Variants in THSD7A observed in about 807,000 individuals in gnomAD.
THSD7A encodes thrombospondin type 1 domain containing 7A.
THSD7A carries 96 observed loss-of-function variants against 231.3 expected under a neutral mutation model. That is an observed-to-expected ratio of 0.41 (90% CI 0.35 to 0.49). THSD7A has a LOEUF of 0.49. Ranked by LOEUF, THSD7A falls within the 20% of genes least tolerant of loss-of-function variation. The pLI, the probability that THSD7A is intolerant of heterozygous loss-of-function variation, is 0.05. For missense variants in THSD7A, 2,290 were observed against 2,070.2 expected, an observed-to-expected ratio of 1.11 and a Z score of -2.06; for synonymous variants, 940 against 743.3, an observed-to-expected ratio of 1.26 and a Z score of -4.30.
In THSD7A at chr7:11,820,268, T is replaced by C. The variant is rs538760635; in HGVS notation, c.190+11489A>G. 4.1e-4 allele frequency: 180 copies of C among 441,964 alleles called. No homozygotes were observed. The East Asian group carries it at 6.7e-3, about 16-fold the overall frequency. The allele number at this position is 441,964 out of a possible 1,614,324, so 27.4% of individuals were successfully genotyped here. A position where few individuals can be genotyped will look rare whatever the true frequency, so the allele number is the denominator to read the frequency against. Reference sequence around the variant, plus strand: ...TCTGTTTAGCTCCTCGCCAGCCATCTTTCCAGCACCTCTCTCCCCTGGGCA... The same window carrying C: ...TCTGTTTAGCTCCTCGCCAGCCATCCTTCCAGCACCTCTCTCCCCTGGGCA... On this transcript the variant is annotated intron_variant, in intron 1 of 27. Coordinates refer to ENST00000423059, the MANE Select transcript of THSD7A (RefSeq NM_015204.3).
intron 22 of THSD7A, among the ~76,000 whole-genome samples, chr7:11,403,749 A>G (rs1783489559): frequency 6.6e-6 from 1 of 152,188 alleles, no homozygotes; most frequent in East Asian, 1.9e-4. Context: ...TAAGTAATAC[A>G]TGTCAGGCTT....
At chr7:11,494,002 A>G (rs1787000985) in intron 6 of THSD7A, among the ~76,000 whole-genome samples, 1 of 152,056 alleles carries the variant, frequency 6.6e-6, no homozygotes, top group South Asian at 2.1e-4. Flanking sequence ...ACACCTTAGT[A>G]TAATTTTACC....
intron 2 of THSD7A, among the ~76,000 whole-genome samples, chr7:11,610,940 G>A (rs1203781638): frequency 1.3e-5 from 2 of 152,058 alleles, no homozygotes; most frequent in Non-Finnish European, 2.9e-5. Context: ...CTCTTTTGTT[G>A]AATTTACAAG....
chr7:11,588,053 T>A (rs1272137523), intron 4 of THSD7A, among the ~76,000 whole-genome samples: 2 of 152,184 alleles, frequency 1.3e-5, no homozygotes, highest in Admixed American at 6.5e-5. Context: ...GGTTACACAG[T>A]CATGGATTCT....
chr7:11,460,720 G>A lies in THSD7A; in HGVS notation c.2547C>T (p.Ser849=), dbSNP rs572493535. 17 of 1,612,420 alleles carry A rather than the reference G, an allele frequency of 1.1e-5. No individual in the cohort carries two copies. Among genetic ancestry groups the A allele is most frequent in the Non-Finnish European group, 1.4e-5 (17 of 1,179,358 alleles). ...GTGCTCCAGGGCTGTCTTGTTGCAC[G>A]CTCCAAGGGACTAATTGGCATCTGC... ...KWRRCQLVPW[S]VQQDSPGAQE... The change falls in exon 11 of 28, where the codon AGC becomes AGT. Residue 849 remains serine (S), a synonymous_variant. Coordinates refer to ENST00000423059, the MANE Select transcript of THSD7A (RefSeq NM_015204.3).
At chr7:11,419,928 G>C (rs1784088874) in intron 16 of THSD7A, among the ~76,000 whole-genome samples, 1 of 152,208 alleles carries the variant, frequency 6.6e-6, no homozygotes, top group Non-Finnish European at 1.5e-5. Flanking sequence ...ACTTGAGAGA[G>C]ATGACTTAGG....
rs995082865 is a variant in THSD7A at position 11,590,779 on chromosome 7, T to G, written c.1272-138A>C. 9.8e-7 allele frequency: 1 copy of G among 1,023,394 alleles called. No individual in the cohort carries two copies. The highest frequency in any genetic ancestry group is 3.2e-5 in the Admixed American group (1 of 31,584). 63.4% of individuals were successfully genotyped at this position (1,023,394 alleles called of 1,614,324 possible). A position where few individuals can be genotyped will look rare whatever the true frequency, so the allele number is the denominator to read the frequency against. ...AATCCATCGTAGACTACATCTATGG[T>G]GCATATTTGGTTTCAACTCCTTTAT... is the stretch of plus-strand genomic sequence containing the variant. On this transcript the variant is annotated intron_variant, in intron 3 of 27. Coordinates refer to ENST00000423059, the MANE Select transcript of THSD7A (RefSeq NM_015204.3). The surrounding 1 kb of genome is among the most constrained non-coding windows in gnomAD (Gnocchi z 4.4).
chr7:11,375,645 C>T lies in THSD7A; in HGVS notation c.*149G>A. The stretch of plus-strand genomic sequence containing the variant: ...GTACTGTCTTAAATATCTCCAGTGG[C>T]AGTATGATTTTCACTCTTGTCTTTA... On this transcript the variant is annotated 3_prime_UTR_variant, in exon 28 of 28. Transcript: ENST00000423059. 1.6e-6 allele frequency: 1 copy of T among 619,704 alleles called. No individual in the cohort carries two copies. The highest frequency in any genetic ancestry group is 2.8e-6 in the Non-Finnish European group (1 of 352,702). 38.4% of individuals were successfully genotyped at this position (619,704 alleles called of 1,614,324 possible).
chr7:11,564,068 G>A (rs1371288687), intron 4 of THSD7A, among the ~76,000 whole-genome samples: 1 of 152,106 alleles, frequency 6.6e-6, no homozygotes, highest in Non-Finnish European at 1.5e-5. Flanking sequence ...AGTTAGAGAA[G>A]GTCTAGGCTT....
chr7:11,608,032 A>C (rs1434757994), intron 2 of THSD7A, among the ~76,000 whole-genome samples: 1 of 152,144 alleles, frequency 6.6e-6, no homozygotes, highest in East Asian at 1.9e-4. Context: ...ATCCTTTCAC[A>C]CAGTGAATGC....
intron 11 of THSD7A, 115 bp downstream of exon 11, chr7:11,460,547 G>C (rs1785467474): frequency 1.4e-6 from 1 of 715,458 alleles, no homozygotes; most frequent in Non-Finnish European, 2.2e-6. Context: ...GCTCATAGCA[G>C]ATTTATATCT....
chr7:11,392,064 C>T (rs1015204059), intron 23 of THSD7A, among the ~76,000 whole-genome samples: 5 of 152,072 alleles, frequency 3.3e-5, no homozygotes, highest in South Asian at 4.2e-4. Context: ...AGAATCTCAA[C>T]TTCTTTTTTT....
chr7:11,595,110 C>G (rs995612880), intron 2 of THSD7A, among the ~76,000 whole-genome samples: 1 of 152,164 alleles, frequency 6.6e-6, no homozygotes, highest in African/African-American at 2.4e-5. Flanking sequence ...CCTGAGGCAA[C>G]AGTGATGGCC....
rs1379099844 is a variant in THSD7A at position 11,814,667 on chromosome 7, A to C, written c.190+17090T>G. On this transcript the variant is annotated intron_variant, in intron 1 of 27. Transcript: ENST00000423059. The surrounding 1 kb of genome is among the most constrained non-coding windows in gnomAD (Gnocchi z 5.1). Reference sequence around the variant, plus strand: ...ACCAGTTCTCTTATACAATGAGCCAAGAGAACTAAAGAAATTACATTAAAT... The same window carrying C: ...ACCAGTTCTCTTATACAATGAGCCACGAGAACTAAAGAAATTACATTAAAT... Among the ~76,000 whole-genome samples the C allele has an allele frequency of 1.3e-5, 2 of 152,204 alleles. No homozygotes were observed. The highest frequency in any genetic ancestry group is 4.8e-5 in the African/African-American group (2 of 41,464).
intron 4 of THSD7A, among the ~76,000 whole-genome samples, chr7:11,565,398 C>G (rs960238261): frequency 6.6e-6 from 1 of 152,158 alleles, no homozygotes. Flanking sequence ...CGCTTAAACA[C>G]AAGAGTGACA....
chr7:11,722,862 C>A (rs1190478057), intron 1 of THSD7A, among the ~76,000 whole-genome samples: 4 of 152,096 alleles, frequency 2.6e-5, no homozygotes, highest in East Asian at 2.0e-4. Context: ...AATAGGAACA[C>A]TTTTACACTG....
intron 15 of THSD7A, 124 bp from the exon 16 acceptor site, chr7:11,424,953 T>C (rs1231897578): frequency 6.0e-6 from 7 of 1,174,480 alleles, no homozygotes; most frequent in Non-Finnish European, 8.4e-6. Flanking sequence ...TTACTGCTTA[T>C]TATTCTAACA....
At chr7:11,390,377 C>A (rs1782933050) in intron 23 of THSD7A, among the ~76,000 whole-genome samples, 1 of 152,112 alleles carries the variant, frequency 6.6e-6, no homozygotes, top group Non-Finnish European at 1.5e-5. Flanking sequence ...GATATTGTTT[C>A]TTCTGCTTTA....
intron 1 of THSD7A, among the ~76,000 whole-genome samples, chr7:11,732,065 A>AT (rs1407063995): frequency 6.6e-6 from 1 of 151,720 alleles, no homozygotes; most frequent in East Asian, 1.9e-4. Context: ...TTACTTAAGG[A>AT]TTTAAAAAAA....
Sources: allele counts gnomAD v4.1 joint callset (sites outside exome capture counted in the v4.1 genomes callset), GRCh38; gene constraint gnomAD v4.1.1; non-coding constraint Gnocchi (gnomAD v3.1); transcripts MANE v1.5; gene names NCBI Gene and HGNC (gene_info 2026-07-23, HGNC 2026-07-21).